The following PBX3 variants were observed in gnomAD, a reference collection of about 807,000 sequenced individuals.
PBX3 encodes the protein PBX homeobox 3.
In PBX3, 14 loss-of-function variants were observed where a neutral mutation model predicts 48.5. The ratio of observed to expected loss-of-function variants is 0.29; its 90% CI spans 0.19 to 0.45. The LOEUF (loss-of-function observed/expected upper bound fraction) is 0.45, where lower values mean the gene tolerates loss of function less well. Ranked by LOEUF, PBX3 falls within the 20% of genes least tolerant of loss-of-function variation. The pLI, the probability that PBX3 is intolerant of heterozygous loss-of-function variation, is 1.00. For synonymous variants in PBX3, 210 were observed against 200.3 expected (o/e 1.05, Z -0.41); for missense variants, 386 against 546.7 (o/e 0.71, Z 2.93).
At chr9:125,899,121 T>C (rs1840844647) in intron 2 of PBX3, among the ~76,000 whole-genome samples, 1 of 150,114 alleles carries the variant, frequency 6.7e-6, no homozygotes, top group African/African-American at 2.4e-5. Context: ...AAAAAACTTA[T>C]GAGATGATAG....
chr9:125,962,159 G>GT lies in PBX3; in HGVS notation c.1068dup (p.Leu357SerfsTer34). 1 of 1,613,530 alleles carries GT rather than the reference G, an allele frequency of 6.2e-7. No homozygotes were observed. Among genetic ancestry groups the GT allele is most frequent in the Admixed American group, 1.7e-5 (1 of 60,026 alleles). ...GGGGACATGTTCATGAACATGCAGA[G>GT]TCTGAATGGGGATTCTTACCAAGGG... On this transcript the variant is annotated frameshift_variant, in exon 7 of 9. Coordinates refer to ENST00000373489, the MANE Select transcript of PBX3 (RefSeq NM_006195.6). LOFTEE classifies it high-confidence loss of function.
In PBX3 at chr9:125,752,302, C is replaced by T. The variant is rs530467966; in HGVS notation, c.274+3679C>T. Among the ~76,000 whole-genome samples the T allele has an allele frequency of 5.6e-4, 85 of 152,100 alleles. 2 individuals are homozygous for T. The South Asian group carries it at 0.017, about 31-fold the overall frequency. ...GAACTTCTCTACTGCAGGAGGTGTC[C>T]GCAGGGGAAGAGAAAGGCCTGCTTG... On this transcript the variant is annotated intron_variant, in intron 2 of 8. Transcript: ENST00000373489.
chr9:125,800,546 A>G (rs913115242), intron 2 of PBX3, among the ~76,000 whole-genome samples: 1 of 152,122 alleles, frequency 6.6e-6, no homozygotes, highest in African/African-American at 2.4e-5. Context: ...ATTCCTCAAC[A>G]TAAACGAGCA....
chr9:125,928,449 A>G (rs1841635641), intron 3 of PBX3, among the ~76,000 whole-genome samples: 1 of 147,406 alleles, frequency 6.8e-6, no homozygotes, highest in Non-Finnish European at 1.5e-5. Context: ...GAAAGAGACA[A>G]TGTCTGAGGA....
chr9:125,783,234 G>T (rs144869675), intron 2 of PBX3, among the ~76,000 whole-genome samples: 1 of 152,008 alleles, frequency 6.6e-6, no homozygotes, highest in South Asian at 2.1e-4. Flanking sequence ...GTGATGTCTC[G>T]TTATTATACA....
Position 125,821,463 on chromosome 9 carries a change from T to G in PBX3, c.274+72840T>G, listed in dbSNP as rs188036234. 3.8e-3 allele frequency among the ~76,000 whole-genome samples: 580 copies of G among 152,254 alleles called. 10 individuals are homozygous for G. The highest frequency in any genetic ancestry group is 0.015 in the East Asian group (80 of 5,190). On this transcript the variant is annotated intron_variant, in intron 2 of 8. Coordinates refer to ENST00000373489, the MANE Select transcript of PBX3 (RefSeq NM_006195.6). ...AAAGGAAAGGATTAATATAGGGGATTAATTTTTAAAAATGGAAATGAAGAC... is the reference window on the plus strand; with the variant it reads ...AAAGGAAAGGATTAATATAGGGGATGAATTTTTAAAAATGGAAATGAAGAC...
intron 3 of PBX3, among the ~76,000 whole-genome samples, chr9:125,924,921 T>C (rs1841539431): frequency 2.6e-5 from 4 of 152,204 alleles, no homozygotes; most frequent in South Asian, 2.1e-4. Flanking sequence ...CATATAATCA[T>C]AATTTATCAT....
intron 7 of PBX3, 68 bp downstream of exon 7, chr9:125,962,282 A>G: frequency 1.1e-6 from 1 of 880,894 alleles, no homozygotes; most frequent in Non-Finnish European, 1.9e-6. Flanking sequence ...CCTTCCTCTG[A>G]CCCCATGGAA....
intron 6 of PBX3, among the ~76,000 whole-genome samples, chr9:125,961,627 A>G (rs1331487250): frequency 6.6e-6 from 1 of 152,148 alleles, no homozygotes; most frequent in African/African-American, 2.4e-5. Context: ...CTCACCCCCC[A>G]GTTCTTTTTA....
chr9:125,946,462 A>G (rs1842065884), intron 5 of PBX3, among the ~76,000 whole-genome samples: 6 of 152,224 alleles, frequency 3.9e-5, no homozygotes, highest in Admixed American at 3.9e-4. Context: ...GATATGGACT[A>G]TAAAATAACT....
chr9:125,823,954 T>C (rs562399606), intron 2 of PBX3, among the ~76,000 whole-genome samples: 1 of 152,050 alleles, frequency 6.6e-6, no homozygotes, highest in East Asian at 1.9e-4. Context: ...CCCGCACCTG[T>C]AGTCCCAGCC....
At chr9:125,839,398 AGATT>A (rs1297156308) in intron 2 of PBX3, among the ~76,000 whole-genome samples, 3 of 152,222 alleles carry the variant, frequency 2.0e-5, no homozygotes, top group Non-Finnish European at 4.4e-5. Flanking sequence ...TCAGATCTAT[AGATT>A]GAGTAAATGA....
chr9:125,904,232 T>C (rs550824016), intron 2 of PBX3, among the ~76,000 whole-genome samples: 8 of 152,010 alleles, frequency 5.3e-5, no homozygotes, highest in African/African-American at 1.9e-4. Context: ...ATGATGGTTT[T>C]ATTACTCCAG....
rs559898517 is a variant in PBX3 at position 125,791,281 on chromosome 9, A to G, written c.274+42658A>G. Among the ~76,000 whole-genome samples the G allele has an allele frequency of 2.8e-3, 403 of 143,542 alleles. 5 individuals carry two copies. Among genetic ancestry groups the G allele is most frequent in the African/African-American group, 9.9e-3 (366 of 37,050 alleles). 94.2% of individuals were successfully genotyped at this position (143,542 alleles called of 152,430 possible). Reference sequence around the variant, plus strand: ...ATAATTGTAGTACACATACATTTTTATCTGTCTGTCTGTCTGTCTGTCTAT... The same window carrying G: ...ATAATTGTAGTACACATACATTTTTGTCTGTCTGTCTGTCTGTCTGTCTAT... On this transcript the variant is annotated intron_variant, in intron 2 of 8. Coordinates refer to ENST00000373489, the MANE Select transcript of PBX3 (RefSeq NM_006195.6).
intron 2 of PBX3, among the ~76,000 whole-genome samples, chr9:125,751,183 T>C (rs991104226): frequency 1.3e-5 from 2 of 152,384 alleles, no homozygotes; most frequent in Admixed American, 1.3e-4. Flanking sequence ...CCTAGTCATT[T>C]ATGAATAGAA....
chr9:125,939,833 A>G (rs922864286), intron 5 of PBX3, among the ~76,000 whole-genome samples: 1 of 152,222 alleles, frequency 6.6e-6, no homozygotes, highest in Non-Finnish European at 1.5e-5. Context: ...TAGGAAGTTT[A>G]AAACCAAGCA....
intron 5 of PBX3, among the ~76,000 whole-genome samples, chr9:125,938,789 A>G (rs984671056): frequency 6.6e-6 from 1 of 152,226 alleles, no homozygotes; most frequent in Admixed American, 6.5e-5. Flanking sequence ...CTGTGGGGAA[A>G]ACCATACCAT....
intron 2 of PBX3, among the ~76,000 whole-genome samples, chr9:125,899,732 C>T (rs1372440423): frequency 6.6e-6 from 1 of 151,566 alleles, no homozygotes; most frequent in Non-Finnish European, 1.5e-5. Flanking sequence ...TTTGTCCAAA[C>T]ACTTCATGTG....
chr9:125,928,385 G>A (rs990097647), intron 3 of PBX3, among the ~76,000 whole-genome samples: 6 of 134,482 alleles, frequency 4.5e-5, no homozygotes, highest in Admixed American at 1.5e-4. Flanking sequence ...AATATTAGGG[G>A]AAACAAATGT....
Sources: allele counts gnomAD v4.1 joint callset (sites outside exome capture counted in the v4.1 genomes callset), GRCh38; gene constraint gnomAD v4.1.1; transcripts MANE v1.5; gene names NCBI Gene and HGNC (gene_info 2026-07-23, HGNC 2026-07-21).